Variants in ZDHHC14 observed in about 807,000 individuals in gnomAD.
The protein encoded by ZDHHC14 is palmitoyltransferase ZDHHC14.
A neutral mutation model predicts 47.7 loss-of-function variants in ZDHHC14; 16 were observed. The observed-to-expected ratio is 0.34, with a 90% CI of 0.23 to 0.51. The LOEUF (loss-of-function observed/expected upper bound fraction) is 0.51, where lower values mean the gene tolerates loss of function less well. Ranked by LOEUF, ZDHHC14 falls within the 20% of genes least tolerant of loss-of-function variation. The pLI is 0.97. For missense variants in ZDHHC14, 515 were observed against 662.5 expected, an observed-to-expected ratio of 0.78 and a Z score of 2.44; for synonymous variants, 293 against 278.9, an observed-to-expected ratio of 1.05 and a Z score of -0.50.
intron 1 of ZDHHC14, among the ~76,000 whole-genome samples, chr6:157,446,629 C>G (rs1778675651): frequency 6.6e-6 from 1 of 151,696 alleles, no homozygotes; most frequent in Non-Finnish European, 1.5e-5. Flanking sequence ...AGGCTGGCCT[C>G]GAACTCCTGA....
In ZDHHC14 at chr6:157,676,989, T is replaced by C. The variant is rs1778980207; in HGVS notation, c.*3867T>C. Reference sequence around the variant, plus strand: ...TGAGTTCATTTAGTTCTTGACCAGGTAAGAAAAGAATAAAGGAGAACAAAT... The same window carrying C: ...TGAGTTCATTTAGTTCTTGACCAGGCAAGAAAAGAATAAAGGAGAACAAAT... On this transcript the variant is annotated 3_prime_UTR_variant, in exon 9 of 9. Transcript: ENST00000359775. 6.6e-6 allele frequency: 1 copy of C among 152,192 alleles called. No homozygotes were observed. The highest frequency in any genetic ancestry group is 2.4e-5 in the African/African-American group (1 of 41,434). 9.4% of individuals were successfully genotyped at this position (152,192 alleles called of 1,614,324 possible).
At chr6:157,651,806 C>T (rs1437738459) in intron 7 of ZDHHC14, among the ~76,000 whole-genome samples, 4 of 152,084 alleles carry the variant, frequency 2.6e-5, no homozygotes, top group African/African-American at 9.7e-5. Context: ...TCCTGACCTC[C>T]GGTGATCTGC....
At chr6:157,561,507 G>T (rs1006649431) in intron 2 of ZDHHC14, among the ~76,000 whole-genome samples, 2 of 152,154 alleles carry the variant, frequency 1.3e-5, no homozygotes, top group Admixed American at 6.5e-5. Flanking sequence ...CGACGGGCGC[G>T]CATGTGAGAC....
intron 8 of ZDHHC14, among the ~76,000 whole-genome samples, chr6:157,657,337 T>C (rs620149): frequency 0.46 from 70,213 of 152,010 alleles, 16,646 homozygotes; most frequent in Admixed American, 0.53. Flanking sequence ...TGTAAGCCAC[T>C]GCACACGGCC....
chr6:157,525,666 G>T (rs1356735408), intron 1 of ZDHHC14, among the ~76,000 whole-genome samples: 1 of 152,186 alleles, frequency 6.6e-6, no homozygotes, highest in African/African-American at 2.4e-5. Flanking sequence ...ACCAGGAGGA[G>T]GGATCAATGG....
At chr6:157,608,039 A>T (rs1784608623) in intron 3 of ZDHHC14, among the ~76,000 whole-genome samples, 1 of 152,238 alleles carries the variant, frequency 6.6e-6, no homozygotes, top group African/African-American at 2.4e-5. Context: ...CTGAAAATCC[A>T]CTGCTTATCA....
At chr6:157,635,557 A>G (rs1304094168) in intron 5 of ZDHHC14, among the ~76,000 whole-genome samples, 2 of 152,276 alleles carry the variant, frequency 1.3e-5, no homozygotes, top group Admixed American at 1.3e-4. Context: ...CAGGAAATAC[A>G]GGAAAGACTC....
At chr6:157,664,459 G>A (rs1324105428) in intron 8 of ZDHHC14, among the ~76,000 whole-genome samples, 2 of 152,146 alleles carry the variant, frequency 1.3e-5, no homozygotes, top group Non-Finnish European at 2.9e-5. Context: ...TCAGGTACTG[G>A]CTAGTCACCT....
intron 1 of ZDHHC14, among the ~76,000 whole-genome samples, chr6:157,505,225 C>T (rs552540490): frequency 2.0e-5 from 3 of 152,248 alleles, no homozygotes; most frequent in Middle Eastern, 3.4e-3. Context: ...GGGAGGGAGT[C>T]GTCTGGAAGG....
intron 2 of ZDHHC14, among the ~76,000 whole-genome samples, chr6:157,569,896 A>C (rs945310525): frequency 7.9e-5 from 12 of 152,140 alleles, no homozygotes; most frequent in African/African-American, 1.2e-4. Flanking sequence ...TAAATATATA[A>C]AAATACTTTT....
chr6:157,422,319 AT>A (rs374185495), intron 1 of ZDHHC14, among the ~76,000 whole-genome samples: 2,431 of 150,392 alleles, frequency 0.016, 60 homozygotes, highest in African/African-American at 0.056. Context: ...TGCAAATTGT[AT>A]TTTTTTTTTC....
At chr6:157,470,951 C>T (rs1477922069) in intron 1 of ZDHHC14, among the ~76,000 whole-genome samples, 1 of 152,162 alleles carries the variant, frequency 6.6e-6, no homozygotes, top group Non-Finnish European at 1.5e-5. Flanking sequence ...AGTAGAGGGC[C>T]CTTCAGACCT....
chr6:157,513,567 C>T (rs1780571134), intron 1 of ZDHHC14, among the ~76,000 whole-genome samples: 1 of 152,114 alleles, frequency 6.6e-6, no homozygotes, highest in Non-Finnish European at 1.5e-5. Context: ...GCTGTTTTTG[C>T]TGTTCGGTAT....
At chr6:157,484,663 A>G (rs935910372) in intron 1 of ZDHHC14, among the ~76,000 whole-genome samples, 3 of 151,844 alleles carry the variant, frequency 2.0e-5, no homozygotes, top group Non-Finnish European at 4.4e-5. Flanking sequence ...TTTTTCCAGC[A>G]TTTACACTGC....
intron 6 of ZDHHC14, 36 bp from the exon 7 acceptor site, chr6:157,647,223 A>C: frequency 1.8e-5 from 26 of 1,473,078 alleles, no homozygotes; most frequent in Non-Finnish European, 2.3e-5. Context: ...TTGGTGTGGA[A>C]GATATTGCTT....
At chr6:157,538,553 C>T (rs1781627235) in intron 1 of ZDHHC14, among the ~76,000 whole-genome samples, 1 of 152,210 alleles carries the variant, frequency 6.6e-6, no homozygotes, top group Non-Finnish European at 1.5e-5. Flanking sequence ...TCATGCGAGG[C>T]ATCCTGCTAG....
rs1782813515 is a variant in ZDHHC14, at chr6:157,564,083, A to G, written c.406+21338A>G. Among the ~76,000 whole-genome samples, 5 of 152,194 alleles carry G rather than the reference A, an allele frequency of 3.3e-5. No individual in the cohort carries two copies. In the South Asian group the frequency reaches 1.0e-3, roughly 32 times the overall value. ...AATTCAAAGAATGTCTCAGAATCGT[A>G]TTTCTCCTTAGTGAAATTGACAAAA... On this transcript the variant is annotated intron_variant, in intron 2 of 8. Transcript: ENST00000359775.
At chr6:157,506,557 C>T (rs1158609784) in intron 1 of ZDHHC14, among the ~76,000 whole-genome samples, 3 of 151,972 alleles carry the variant, frequency 2.0e-5, no homozygotes, top group Non-Finnish European at 4.4e-5. Flanking sequence ...TCTAGGTCCT[C>T]TCCCTGAACT....
chr6:157,435,323 C>T (rs918725290), intron 1 of ZDHHC14, among the ~76,000 whole-genome samples: 2 of 152,106 alleles, frequency 1.3e-5, no homozygotes, highest in Admixed American at 6.5e-5. Context: ...AAGGGTGCCC[C>T]GCAGAAGTGC....
Sources: gnomAD v4.1 joint callset for allele counts (sites outside exome capture counted in the v4.1 genomes callset) on GRCh38, gnomAD v4.1.1 for gene constraint, MANE v1.5 for transcripts, NCBI Gene and HGNC (gene_info 2026-07-23, HGNC 2026-07-21) for gene names.